The following UNC13B variants were observed in gnomAD, a reference collection of about 807,000 sequenced individuals.
UNC13B encodes the protein unc-13 homolog B, also known as protein unc-13 homolog B.
UNC13B carries 144 observed loss-of-function variants against 211.0 expected under a neutral mutation model. The observed-to-expected ratio is 0.68, with a 90% CI of 0.60 to 0.78. The LOEUF (loss-of-function observed/expected upper bound fraction) is 0.78, where lower values mean the gene tolerates loss of function less well. UNC13B is among the 30% of genes least tolerant of loss of function. The pLI is 0.00. For synonymous variants in UNC13B, 709 were observed against 725.8 expected (o/e 0.98, Z 0.37); for missense variants, 1,777 against 2,002.0 (o/e 0.89, Z 2.14).
chr9:35,174,079 T>C (rs1024393115), intron 1 of UNC13B, among the ~76,000 whole-genome samples: 1 of 152,214 alleles, frequency 6.6e-6, no homozygotes, highest in Non-Finnish European at 1.5e-5. Context: ...ATATTCTTCA[T>C]CCAGCTTTAT....
At chr9:35,226,364 G>GTGTGTGTA (rs1259129941) in intron 1 of UNC13B, among the ~76,000 whole-genome samples, 2 of 152,136 alleles carry the variant, frequency 1.3e-5, no homozygotes, top group Non-Finnish European at 2.9e-5. Context: ...GTGTGTGTGT[G>GTGTGTGTA]TGTGTGTATG....
At chr9:35,290,789 T>C (rs556233976) in intron 7 of UNC13B, among the ~76,000 whole-genome samples, 93 of 152,182 alleles carry the variant, frequency 6.1e-4, no homozygotes, top group African/African-American at 2.2e-3. Context: ...TAAAACAATA[T>C]GGAAGAAGTA....
chr9:35,214,865 G>C (rs906088409), intron 1 of UNC13B, among the ~76,000 whole-genome samples: 1 of 152,170 alleles, frequency 6.6e-6, no homozygotes, highest in African/African-American at 2.4e-5. Context: ...AAGTAAAATA[G>C]ACATTTCAGA....
intron 1 of UNC13B, among the ~76,000 whole-genome samples, chr9:35,193,408 G>A (rs1389950874): frequency 6.6e-6 from 1 of 152,092 alleles, no homozygotes; most frequent in Admixed American, 6.6e-5. Flanking sequence ...CAGCACTTTG[G>A]TAGGCCGAGA....
At chr9:35,262,254 C>A (rs1163543980) in intron 7 of UNC13B, among the ~76,000 whole-genome samples, 1 of 150,022 alleles carries the variant, frequency 6.7e-6, no homozygotes, top group African/African-American at 2.5e-5. Context: ...CTTTCCTTTC[C>A]CTTCCTTTCC....
At chr9:35,288,133 A>G (rs552875209) in intron 7 of UNC13B, among the ~76,000 whole-genome samples, 14 of 152,210 alleles carry the variant, frequency 9.2e-5, no homozygotes, top group Admixed American at 2.0e-4. Flanking sequence ...AGTCCAGGCT[A>G]TCAACAGATG....
intron 1 of UNC13B, among the ~76,000 whole-genome samples, chr9:35,192,213 G>A (rs961806796): frequency 7.9e-5 from 12 of 152,176 alleles, no homozygotes; most frequent in African/African-American, 2.9e-4. Flanking sequence ...GCCATTTTAA[G>A]CTGTAAAAGA....
In UNC13B at chr9:35,403,526, G is replaced by A. The variant is rs1030560756; in HGVS notation, c.12664G>A (p.Asp4222Asn). The A allele has an allele frequency of 1.9e-6, 3 of 1,613,328 alleles. No homozygotes were observed. The highest frequency in any genetic ancestry group is 2.7e-5 in the African/African-American group (2 of 74,764). ...GACTATGGTTGGCCCACACCAAAGT[G>A]ATAAGAAGAGGAAGTTCACAACCAA... ...EVTMVGPHQS[D>N]KKRKFTTKSK... Residue 4222 changes from aspartate (D) to asparagine (N), a missense_variant, in exon 39 of 40, where the codon GAT (aspartate) becomes AAT (asparagine). Coordinates refer to ENST00000635942, the MANE Select transcript of UNC13B (RefSeq NM_001371189.2).
At chr9:35,174,813 C>T (rs956471972) in intron 1 of UNC13B, among the ~76,000 whole-genome samples, 14 of 152,294 alleles carry the variant, frequency 9.2e-5, no homozygotes, top group African/African-American at 3.4e-4. Flanking sequence ...GTCTCAATCT[C>T]CTGACCTCGT....
At chr9:35,390,796 C>T in intron 26 of UNC13B, 82 bp downstream of exon 26, 2 of 1,357,466 alleles carry the variant, frequency 1.5e-6, no homozygotes, top group Non-Finnish European at 2.1e-6. Context: ...TTCTAGACAA[C>T]TACAAGTTCT....
At chr9:35,290,372 T>A (rs1279515250) in intron 7 of UNC13B, among the ~76,000 whole-genome samples, 2 of 151,586 alleles carry the variant, frequency 1.3e-5, no homozygotes, top group Non-Finnish European at 2.9e-5. Flanking sequence ...AAATTAGATC[T>A]CTGTCTCTAA....
chr9:35,222,860 C>G (rs1484160233), intron 1 of UNC13B, among the ~76,000 whole-genome samples: 1 of 152,172 alleles, frequency 6.6e-6, no homozygotes, highest in Non-Finnish European at 1.5e-5. Context: ...CCCTTCTCCC[C>G]CTTCCCAGCA....
chr9:35,310,703 A>G lies in UNC13B; in HGVS notation c.9245A>G (p.Glu3082Gly). ...AAGGAGGCAGCATGTGAACCCAAGGAGATGAAAGAAGATGCCACAACCCAC... is the reference window on the plus strand; with the variant it reads ...AAGGAGGCAGCATGTGAACCCAAGGGGATGAAAGAAGATGCCACAACCCAC... ...AEKEAACEPKEMKEDATTHPP... is the reference protein window; with the variant it reads ...AEKEAACEPKGMKEDATTHPP... Residue 3082 changes from glutamate (E) to glycine (G), a missense_variant, in exon 10 of 40, where the codon GAG becomes GGG. By Grantham distance (98) the Glu-to-Gly change is moderately conservative. Coordinates refer to ENST00000635942, the MANE Select transcript of UNC13B (RefSeq NM_001371189.2). 13 of 1,614,004 alleles carry G rather than the reference A, an allele frequency of 8.1e-6. No individual in the cohort carries two copies. The highest frequency in any genetic ancestry group is 1.1e-5 in the Non-Finnish European group (13 of 1,180,008).
At chr9:35,368,814 T>TA (rs530406191) in intron 12 of UNC13B, among the ~76,000 whole-genome samples, 71 of 149,636 alleles carry the variant, frequency 4.7e-4, no homozygotes, top group African/African-American at 1.3e-3. Context: ...CATTTATGTT[T>TA]AAAAAAAAAA....
chr9:35,202,818 A>G (rs1458064797), intron 1 of UNC13B, among the ~76,000 whole-genome samples: 4 of 146,686 alleles, frequency 2.7e-5, no homozygotes, highest in Admixed American at 6.8e-5. Context: ...TTTGAGACAG[A>G]GTCTCGCTCT....
chr9:35,212,030 T>C (rs1206840757), intron 1 of UNC13B, among the ~76,000 whole-genome samples: 1 of 152,128 alleles, frequency 6.6e-6, no homozygotes, highest in Non-Finnish European at 1.5e-5. Flanking sequence ...ATAATGGAAA[T>C]AAATTAAGAG....
chr9:35,167,754 ATTTTTTTT>A (rs765603183), intron 1 of UNC13B, among the ~76,000 whole-genome samples: 64 of 115,684 alleles, frequency 5.5e-4, no homozygotes, highest in Non-Finnish European at 9.0e-4. Context: ...TGCCTGGCTA[ATTTTTTTT>A]TTTTTTTTTT....
At chr9:35,325,473 G>A (rs1023309145) in intron 11 of UNC13B, among the ~76,000 whole-genome samples, 11 of 152,094 alleles carry the variant, frequency 7.2e-5, no homozygotes, top group African/African-American at 2.7e-4. Flanking sequence ...ATACACTGCC[G>A]TTGTACTCTT....
chr9:35,393,521 A>T (rs1835673235), intron 26 of UNC13B, among the ~76,000 whole-genome samples: 1 of 150,328 alleles, frequency 6.7e-6, no homozygotes, highest in Non-Finnish European at 1.5e-5. Context: ...GGTGTGACGG[A>T]GTCAGATCGT....
Sources: gnomAD v4.1 joint callset for allele counts (sites outside exome capture counted in the v4.1 genomes callset) on GRCh38, gnomAD v4.1.1 for gene constraint, MANE v1.5 for transcripts, NCBI Gene and HGNC (gene_info 2026-07-23, HGNC 2026-07-21) for gene names.